Variants in RGS8 observed in about 807,000 individuals in gnomAD.
RGS8 encodes regulator of G-protein signaling 8.
Under a neutral mutation model 21.7 loss-of-function variants are expected in RGS8, and 8 were observed. The ratio of observed to expected loss-of-function variants is 0.37; its 90% CI spans 0.22 to 0.66. The LOEUF (loss-of-function observed/expected upper bound fraction) is 0.66. RGS8 is among the 30% of genes least tolerant of loss of function. The pLI, the probability that RGS8 is intolerant of heterozygous loss-of-function variation, is 0.59. For synonymous variants in RGS8, 80 were observed against 83.6 expected, an observed-to-expected ratio of 0.96 and a Z score of 0.24; for missense variants, 157 against 217.9, an observed-to-expected ratio of 0.72 and a Z score of 1.76.
the RGS8 span, among the ~76,000 whole-genome samples, chr1:182,690,073 T>C: frequency 6.6e-6 from 1 of 152,220 alleles, no homozygotes; most frequent in Non-Finnish European, 1.5e-5. Flanking sequence ...ACTTACCAGT[T>C]CTGTGACCTT....
chr1:182,691,447 C>A, the RGS8 span, among the ~76,000 whole-genome samples: 1 of 151,854 alleles, frequency 6.6e-6, no homozygotes, highest in Non-Finnish European at 1.5e-5. Flanking sequence ...GTTAATCCAC[C>A]ATGATTAAGT....
chr1:182,694,443 T>C, the RGS8 span, among the ~76,000 whole-genome samples: 1 of 152,208 alleles, frequency 6.6e-6, no homozygotes, highest in South Asian at 2.1e-4. Context: ...CTGGTCAACT[T>C]TTTAAAAATT....
the RGS8 span, among the ~76,000 whole-genome samples, chr1:182,711,287 T>A: frequency 6.6e-6 from 1 of 152,172 alleles, no homozygotes; most frequent in African/African-American, 2.4e-5. Context: ...TGCACCATGA[T>A]GTATCCCAAT....
chr1:182,713,206 CAG>C, the RGS8 span, among the ~76,000 whole-genome samples: 1 of 152,132 alleles, frequency 6.6e-6, no homozygotes, highest in African/African-American at 2.4e-5. Context: ...TTCTTTGAGA[CAG>C]AGTCTTGCTC....
At chr1:182,707,942 G>A in the RGS8 span, among the ~76,000 whole-genome samples, 648 of 152,174 alleles carry the variant, frequency 4.3e-3, 4 homozygotes, top group African/African-American at 0.015. Flanking sequence ...TCCTGACCTC[G>A]TGATCCACCC....
At chr1:182,669,865 A>G (rs1571343467) in intron 2 of RGS8, 113 bp from the exon 4 acceptor site, 7 of 1,215,370 alleles carry the variant, frequency 5.8e-6, no homozygotes, top group African/African-American at 1.5e-5. Flanking sequence ...ACATCCCCCC[A>G]GCCCCACAAA....
chr1:182,752,236 A>G, the RGS8 span, among the ~76,000 whole-genome samples: 1 of 152,184 alleles, frequency 6.6e-6, no homozygotes, highest in Admixed American at 6.5e-5. Context: ...CTGACAGAAC[A>G]TTCCTGAGGG....
chr1:182,675,566 G>T (rs1384634222), upstream of RGS8, among the ~76,000 whole-genome samples: 2 of 152,106 alleles, frequency 1.3e-5, no homozygotes, highest in Non-Finnish European at 2.9e-5. Context: ...CAATGAGTTT[G>T]TCCCGTTTGC....
upstream of RGS8, among the ~76,000 whole-genome samples, chr1:182,687,709 CAAGT>C (rs1664738997): frequency 2.0e-5 from 3 of 152,120 alleles, no homozygotes; most frequent in South Asian, 6.2e-4. Context: ...CCTCCAGCAC[CAAGT>C]AAGTATCTAG....
upstream of RGS8, among the ~76,000 whole-genome samples, chr1:182,675,993 C>A (rs1175474312): frequency 1.3e-5 from 2 of 152,034 alleles, no homozygotes; most frequent in African/African-American, 4.8e-5. Context: ...GAAAAATCGC[C>A]GAGGATTCTT....
At chr1:182,712,941 G>A in the RGS8 span, 5 of 152,082 alleles carry the variant, frequency 3.3e-5, no homozygotes, top group African/African-American at 1.2e-4. Flanking sequence ...TGAAACTAAA[G>A]TATTTCACCT....
the RGS8 span, among the ~76,000 whole-genome samples, chr1:182,732,301 A>ACACACACACACACCCC: frequency 4.6e-5 from 7 of 150,652 alleles, no homozygotes; most frequent in Middle Eastern, 3.4e-3. Flanking sequence ...ACACACACAC[A>ACACACACACACACCCC]CCCACTGTAG....
the RGS8 span, among the ~76,000 whole-genome samples, chr1:182,745,736 T>C: frequency 6.6e-6 from 1 of 152,342 alleles, no homozygotes; most frequent in East Asian, 1.9e-4. Flanking sequence ...TTCTTAGAAT[T>C]GGAATGGAAC....
chr1:182,649,908 T>G (rs930930682), intron 5 of RGS8, among the ~76,000 whole-genome samples: 3 of 149,452 alleles, frequency 2.0e-5, no homozygotes, highest in Admixed American at 6.6e-5. Flanking sequence ...AACAACTCTT[T>G]TTTTTTTTTT....
At chr1:182,715,109 T>A in the RGS8 span, among the ~76,000 whole-genome samples, 2 of 152,212 alleles carry the variant, frequency 1.3e-5, no homozygotes, top group African/African-American at 2.4e-5. Flanking sequence ...TGCTTTCAGC[T>A]ACAAAGAAGA....
chr1:182,745,777 A>G, the RGS8 span, among the ~76,000 whole-genome samples: 3 of 152,184 alleles, frequency 2.0e-5, no homozygotes, highest in Non-Finnish European at 4.4e-5. Context: ...CTCTTACCCA[A>G]ACTGAAATCC....
upstream of RGS8, chr1:182,672,754 C>T (rs1461935838): frequency 4.4e-6 from 7 of 1,589,510 alleles, no homozygotes; most frequent in African/African-American, 1.3e-5. Flanking sequence ...TTTGTTCTGC[C>T]CGATCTGCAC....
chr1:182,649,778 A>T lies in RGS8; in HGVS notation c.194-1475T>A, dbSNP rs529426426. Reference sequence around the variant, plus strand: ...CAAATAACAGCTATAGTTTTCTATAAACTGTCCTCAGGGGAAGGGCACATA... The same window carrying T: ...CAAATAACAGCTATAGTTTTCTATATACTGTCCTCAGGGGAAGGGCACATA... On this transcript the variant is annotated intron_variant, in intron 5 of 6. Transcript: ENST00000483095. Among the ~76,000 whole-genome samples, 11 of 152,350 alleles carry T rather than the reference A, an allele frequency of 7.2e-5. No homozygotes were observed. The South Asian group carries it at 2.3e-3, about 32-fold the overall frequency.
chr1:182,723,410 C>T, the RGS8 span, among the ~76,000 whole-genome samples: 1 of 152,116 alleles, frequency 6.6e-6, no homozygotes, highest in Non-Finnish European at 1.5e-5. Flanking sequence ...GGCCTCAGCT[C>T]CTTACTACAT....
Sources: gnomAD v4.1 joint callset for allele counts (sites outside exome capture counted in the v4.1 genomes callset) on GRCh38, gnomAD v4.1.1 for gene constraint, MANE v1.5 for transcripts, NCBI Gene and HGNC (gene_info 2026-07-23, HGNC 2026-07-21) for gene names.